The following PIMREG variants were observed in gnomAD, a reference collection of about 807,000 sequenced individuals.
PIMREG encodes PICALM interacting mitotic regulator.
In PIMREG, 19 loss-of-function variants were observed where a neutral mutation model predicts 24.3. That is an observed-to-expected ratio of 0.78 (90% CI 0.54 to 1.15). PIMREG has a LOEUF of 1.15. Ranked by LOEUF, PIMREG falls within the 50% of genes most tolerant of loss-of-function variation. The pLI is 0.00. For missense variants in PIMREG, 283 were observed against 306.8 expected (o/e 0.92, Z 0.58); for synonymous variants, 112 against 124.1 (o/e 0.90, Z 0.65).
At chr17:6,450,124 T>G in intron 5 of PIMREG, 52 bp downstream of exon 5, 1 of 1,577,926 alleles carries the variant, frequency 6.3e-7, no homozygotes, top group African/African-American at 1.3e-5. Context: ...CTCCATCTCA[T>G]GCATGAGCAA....
At position 6,450,582 on chromosome 17, in the gene PIMREG, G is replaced by A; in HGVS notation, c.*235G>A. On this transcript the variant is annotated 3_prime_UTR_variant, in exon 6 of 6. Transcript: ENST00000572447. ...GTCTTGGGGAGACCTTGCAGAGGGGGAGAATTGTTCCTTCTGCTTTCCTAG... is the reference window on the plus strand; with the variant it reads ...GTCTTGGGGAGACCTTGCAGAGGGGAAGAATTGTTCCTTCTGCTTTCCTAG... 1.8e-6 allele frequency: 1 copy of A among 553,922 alleles called. No homozygotes were observed. The highest frequency in any genetic ancestry group is 3.1e-6 in the Non-Finnish European group (1 of 317,480). The allele number at this position is 553,922 out of a possible 1,614,324, so 34.3% of individuals were successfully genotyped here. A position where few individuals can be genotyped will look rare whatever the true frequency, so the allele number is the denominator to read the frequency against.
chr17:6,450,492 G>T lies in PIMREG; in HGVS notation c.*145G>T. 1 of 1,264,046 alleles carries T rather than the reference G, an allele frequency of 7.9e-7. No homozygotes were observed. The highest frequency in any genetic ancestry group is 1.1e-6 in the Non-Finnish European group (1 of 912,224). 78.3% of individuals were successfully genotyped at this position (1,264,046 alleles called of 1,614,324 possible). On this transcript the variant is annotated 3_prime_UTR_variant, in exon 6 of 6. Coordinates refer to ENST00000572447, the MANE Select transcript of PIMREG (RefSeq NM_019013.3). ...ACTGCTAACAAGCACCTAACAAGGGGCCCAGAGCCCCCTGCTCCAGCCACA... is the reference window on the plus strand; with the variant it reads ...ACTGCTAACAAGCACCTAACAAGGGTCCCAGAGCCCCCTGCTCCAGCCACA...
At chr17:6,449,212 G>A (rs747772990) in intron 3 of PIMREG, 100 bp from the exon 4 acceptor site, 29 of 947,576 alleles carry the variant, frequency 3.1e-5, no homozygotes, top group Non-Finnish European at 3.8e-5. Context: ...AGCCCGCCAG[G>A]GTCATCTGGG....
intron 3 of PIMREG, 124 bp downstream of exon 3, chr17:6,447,882 G>A: frequency 1.1e-6 from 1 of 934,456 alleles, no homozygotes; most frequent in Non-Finnish European, 1.6e-6. Flanking sequence ...GTGGCTACCT[G>A]GAGCCAGGGG....
Position 6,450,224 on chromosome 17 carries a change from C to T in PIMREG, c.*15-138C>T, listed in dbSNP as rs896253375. The T allele has an allele frequency of 1.3e-5, 15 of 1,112,604 alleles. No homozygotes were observed. The African/African-American group carries it at 2.3e-4, about 17-fold the overall frequency. 68.9% of individuals were successfully genotyped at this position (1,112,604 alleles called of 1,614,324 possible). A position where few individuals can be genotyped will look rare whatever the true frequency, so the allele number is the denominator to read the frequency against. ...AAGCCAGAGCTGCTAACCTCACTGA[C>T]CCCGTCATTAACAGCACGCTGGGGG... On this transcript the variant is annotated intron_variant, in intron 5 of 5. Transcript: ENST00000572447.
Position 6,450,429 on chromosome 17 carries a change from T to C in PIMREG, c.*82T>C. The C allele has an allele frequency of 1.9e-6, 3 of 1,568,070 alleles. No individual in the cohort carries two copies. The highest frequency in any genetic ancestry group is 2.6e-6 in the Non-Finnish European group (3 of 1,164,640). ...TGTCTATGCTTCCCCGTGAGCTTCC[T>C]GGAAAAAACCCCCGGGAGTCGTCAG... On this transcript the variant is annotated 3_prime_UTR_variant, in exon 6 of 6. Coordinates refer to ENST00000572447, the MANE Select transcript of PIMREG (RefSeq NM_019013.3).
At position 6,451,362 on chromosome 17, in the gene PIMREG, T is replaced by C. The variant is rs1322611378; in HGVS notation, c.*1015T>C. 1.3e-5 allele frequency: 2 copies of C among 152,258 alleles called. No homozygotes were observed. The highest frequency in any genetic ancestry group is 2.9e-5 in the Non-Finnish European group (2 of 68,048). 9.4% of individuals were successfully genotyped at this position (152,258 alleles called of 1,614,324 possible). On this transcript the variant is annotated 3_prime_UTR_variant, in exon 6 of 6. Coordinates refer to ENST00000572447, the MANE Select transcript of PIMREG (RefSeq NM_019013.3). The stretch of plus-strand genomic sequence containing the variant: ...CAGTTGTAAAAATCTTTTAACTCCA[T>C]AATGCTGTTTTTGTCTTGTTAGAAA...
In PIMREG at chr17:6,447,270, C is replaced by G. The variant is rs1474560528; in HGVS notation, c.295-193C>G. The G allele has an allele frequency of 5.1e-6, 3 of 591,814 alleles. No homozygotes were observed. The African/African-American group carries it at 5.6e-5, about 11-fold the overall frequency. 36.7% of individuals were successfully genotyped at this position (591,814 alleles called of 1,614,324 possible). A position where few individuals can be genotyped will look rare whatever the true frequency, so the allele number is the denominator to read the frequency against. On this transcript the variant is annotated intron_variant, in intron 2 of 5. Coordinates refer to ENST00000572447, the MANE Select transcript of PIMREG (RefSeq NM_019013.3). The stretch of plus-strand genomic sequence containing the variant: ...GGGATTACAGGCACCCGCCACCGCG[C>G]CTGGCTAATTTTTTTTTGCATTTTT...
At chr17:6,449,987 C>T (rs752118729) in intron 4 of PIMREG, 41 bp from the exon 5 acceptor site, 39 of 1,605,720 alleles carry the variant, frequency 2.4e-5, no homozygotes, top group Non-Finnish European at 3.3e-5. Flanking sequence ...CTCTCAGAGC[C>T]CACCACACCC....
chr17:6,449,237 C>T (rs1385207964), intron 3 of PIMREG, 75 bp from the exon 4 acceptor site: 3 of 1,329,840 alleles, frequency 2.3e-6, no homozygotes, highest in Non-Finnish European at 3.1e-6. Context: ...CAGACCACAC[C>T]CCGGTACCGG....
In PIMREG at chr17:6,449,425, G is replaced by A; in HGVS notation, c.686+18G>A. ...GAAGAGAGGTGAGTTGGCATCCCAT[G>A]CTTCAAAGTGAAGGGGCCGGGAGGG... On this transcript the variant is annotated intron_variant, in intron 4 of 5. Coordinates refer to ENST00000572447, the MANE Select transcript of PIMREG (RefSeq NM_019013.3). 3 of 1,607,802 alleles carry A rather than the reference G, an allele frequency of 1.9e-6. No homozygotes were observed. The highest frequency in any genetic ancestry group is 2.5e-6 in the Non-Finnish European group (3 of 1,176,542).
At chr17:6,446,199 T>C (rs1451280933) in intron 2 of PIMREG, 2 of 401,112 alleles carry the variant, frequency 5.0e-6, no homozygotes, top group African/African-American at 2.1e-5. Context: ...TAAGTGTCTG[T>C]GGACCCTTCA....
intron 3 of PIMREG, 51 bp from the exon 4 acceptor site, chr17:6,449,261 C>T (rs1312212484): frequency 2.0e-6 from 3 of 1,527,584 alleles, no homozygotes; most frequent in Non-Finnish European, 2.7e-6. Flanking sequence ...GCAAGGGTCT[C>T]CTGCCGGGAG....
At chr17:6,449,498 C>A in intron 4 of PIMREG, 91 bp downstream of exon 4, 1 of 1,211,592 alleles carries the variant, frequency 8.3e-7, no homozygotes. Flanking sequence ...CTCTGACCTG[C>A]TGTGTGACCC....
Position 6,450,013 on chromosome 17 carries a change from T to C in PIMREG, c.687-15T>C, listed in dbSNP as rs749455682. Reference sequence around the variant, plus strand: ...CACCACACCCAGTGGCATCAATCCCTCCCCTTCTCTCTAGTGGTGACATCG... The same window carrying C: ...CACCACACCCAGTGGCATCAATCCCCCCCCTTCTCTCTAGTGGTGACATCG... On this transcript the variant is annotated splice_polypyrimidine_tract_variant and intron_variant, in intron 4 of 5. Coordinates refer to ENST00000572447, the MANE Select transcript of PIMREG (RefSeq NM_019013.3). 6.2e-7 allele frequency: 1 copy of C among 1,613,764 alleles called. No individual in the cohort carries two copies. The highest frequency in any genetic ancestry group is 8.5e-7 in the Non-Finnish European group (1 of 1,179,696).
intron 4 of PIMREG, 168 bp downstream of exon 4, chr17:6,449,575 C>A: frequency 9.4e-7 from 1 of 1,066,242 alleles, no homozygotes; most frequent in Admixed American, 3.1e-5. Context: ...GGACAAAATC[C>A]TGGACTGGGG....
chr17:6,445,529 T>C (rs1913540294), intron 2 of PIMREG, 125 bp downstream of exon 2: 4 of 1,001,006 alleles, frequency 4.0e-6, no homozygotes, highest in Non-Finnish European at 5.8e-6. Context: ...AGTTCACTGC[T>C]GTTTCCCCAC....
chr17:6,447,801 A>G (rs16955866), intron 3 of PIMREG, 43 bp downstream of exon 3: 57,151 of 1,540,022 alleles, frequency 0.037, 2,970 homozygotes, highest in African/African-American at 0.25. Context: ...TGGCCTTTTA[A>G]CCTGGGCACA....
rs1913819584 is a variant in PIMREG at position 6,451,259 on chromosome 17, A to G, written c.*912A>G. ...CTCAACTTAGTTCAGACCAAAACAC[A>G]TTGTAAAGGCAAAGAAGGTTTTTAT... On this transcript the variant is annotated 3_prime_UTR_variant, in exon 6 of 6. Transcript: ENST00000572447. 1 of 152,218 alleles carries G rather than the reference A, an allele frequency of 6.6e-6. No individual in the cohort carries two copies. The highest frequency in any genetic ancestry group is 2.4e-5 in the African/African-American group (1 of 41,454). The allele number at this position is 152,218 out of a possible 1,614,324, so 9.4% of individuals were successfully genotyped here. A position where few individuals can be genotyped will look rare whatever the true frequency, so the allele number is the denominator to read the frequency against.
Sources: allele counts gnomAD v4.1 joint callset, GRCh38; gene constraint gnomAD v4.1.1; transcripts MANE v1.5; gene names NCBI Gene and HGNC (gene_info 2026-07-23, HGNC 2026-07-21).